Variants in UBE2G2 observed in about 807,000 individuals in gnomAD.
UBE2G2 encodes the protein ubiquitin-conjugating enzyme E2 G2.
UBE2G2 carries 10 observed loss-of-function variants against 23.0 expected under a neutral mutation model. The ratio of observed to expected loss-of-function variants is 0.43; its 90% confidence interval spans 0.27 to 0.74. The LOEUF is 0.74. Among genes scored for constraint, UBE2G2 ranks in the 30% least tolerant of loss-of-function variants. The pLI, the probability that UBE2G2 is intolerant of heterozygous loss-of-function variation, is 0.19. For synonymous variants in UBE2G2, 86 were observed against 81.3 expected (o/e 1.06, Z -0.31); for missense variants, 150 against 218.3 (o/e 0.69, Z 1.97).
intron 1 of UBE2G2, among the ~76,000 whole-genome samples, chr21:44,793,201 T>C (rs2083058789): frequency 6.6e-6 from 1 of 152,052 alleles, no homozygotes; most frequent in East Asian, 1.9e-4. Flanking sequence ...GCAGGTGGGG[T>C]GCGGGAGAAA....
At chr21:44,795,081 A>G (rs1488118300) in intron 1 of UBE2G2, among the ~76,000 whole-genome samples, 1 of 151,980 alleles carries the variant, frequency 6.6e-6, no homozygotes, top group Non-Finnish European at 1.5e-5. Context: ...TAGCCAACAT[A>G]GTGAAATCCC....
intron 1 of UBE2G2, among the ~76,000 whole-genome samples, chr21:44,794,341 T>C (rs2083068557): frequency 6.6e-6 from 1 of 152,204 alleles, no homozygotes; most frequent in Non-Finnish European, 1.5e-5. Context: ...TCTCATACCA[T>C]ATGGAAAACT....
intron 3 of UBE2G2, among the ~76,000 whole-genome samples, chr21:44,780,858 GTTC>G (rs782170286): frequency 1.3e-5 from 2 of 152,220 alleles, no homozygotes; most frequent in Admixed American, 6.5e-5. Context: ...GGGAGAGATT[GTTC>G]TTCTTTGCAT....
At chr21:44,783,024 T>C (rs2082968380) in intron 3 of UBE2G2, among the ~76,000 whole-genome samples, 1 of 152,258 alleles carries the variant, frequency 6.6e-6, no homozygotes, top group Non-Finnish European at 1.5e-5. Context: ...TTAAAAATCC[T>C]ATGTCTAATG....
At chr21:44,783,701 G>C (rs1555961582) in intron 3 of UBE2G2, among the ~76,000 whole-genome samples, 1 of 152,182 alleles carries the variant, frequency 6.6e-6, no homozygotes, top group African/African-American at 2.4e-5. Context: ...GGATTGCCTG[G>C]GGGTTGGAAT....
Position 44,787,930 on chromosome 21 carries a change from C to T in UBE2G2, c.115G>A (p.Ala39Thr), listed in dbSNP as rs782804941. 19 of 1,613,756 alleles carry T rather than the reference C, an allele frequency of 1.2e-5. No individual in the cohort carries two copies. The highest frequency in any genetic ancestry group is 1.4e-5 in the Non-Finnish European group (17 of 1,179,936). ...CTAAAATTAACTTACATGATCAATG[C>T]CTCCCATTCAAAAAAGTTCTCTTCA... ...MNEENFFEWE[A>T]LIMGPEDTCF... is the part of the protein sequence containing the mutation. Residue 39 changes from alanine (A) to threonine (T), a missense_variant, in exon 3 of 6, where the codon GCA becomes ACA. Ala to Thr is a moderately conservative substitution (Grantham distance 58). Transcript: ENST00000345496.
At chr21:44,798,964 G>A (rs112441600) in intron 1 of UBE2G2, among the ~76,000 whole-genome samples, 5 of 152,320 alleles carry the variant, frequency 3.3e-5, no homozygotes, top group African/African-American at 9.6e-5. Flanking sequence ...GGATCCATGG[G>A]CTGCAGAATT....
chr21:44,795,545 T>C lies in UBE2G2; in HGVS notation c.43+6161A>G, dbSNP rs116556459. On this transcript the variant is annotated intron_variant, in intron 1 of 5. Coordinates refer to ENST00000345496, the MANE Select transcript of UBE2G2 (RefSeq NM_003343.6). ...TTCTTGGGAGGCTGAGGTGGCAGGA[T>C]TGCTTGAGCCTAGGAGGCAGAGGCT... Among the ~76,000 whole-genome samples, 558 of 152,010 alleles carry C rather than the reference T, an allele frequency of 3.7e-3. 2 individuals carry two copies. The highest frequency in any genetic ancestry group is 0.012 in the African/African-American group (511 of 41,458).
At chr21:44,801,484 G>A in intron 1 of UBE2G2, 1 of 1,114,584 alleles carries the variant, frequency 9.0e-7, no homozygotes, top group Non-Finnish European at 1.2e-6. Flanking sequence ...CGGCGCCGGC[G>A]CTGCCTTTAC....
At chr21:44,775,804 C>T (rs1227022561) in intron 4 of UBE2G2, among the ~76,000 whole-genome samples, 1 of 152,176 alleles carries the variant, frequency 6.6e-6, no homozygotes, top group Non-Finnish European at 1.5e-5. Context: ...TCTTACCTAT[C>T]AATTGTATTT....
chr21:44,768,805 G>A lies in UBE2G2; in HGVS notation c.*2572C>T, dbSNP rs145426173. 1 of 152,216 alleles carries A rather than the reference G, an allele frequency of 6.6e-6. No individual in the cohort carries two copies. The highest frequency in any genetic ancestry group is 2.4e-5 in the African/African-American group (1 of 41,440). 9.4% of individuals were successfully genotyped at this position (152,216 alleles called of 1,614,324 possible). A position where few individuals can be genotyped will look rare whatever the true frequency, so the allele number is the denominator to read the frequency against. On this transcript the variant is annotated 3_prime_UTR_variant, in exon 6 of 6. Transcript: ENST00000345496. Reference sequence around the variant, plus strand: ...GCATCTGCTGAAAAAGCTGCAAAATGTCATTTATAGGTTAGTGAACACATC... The same window carrying A: ...GCATCTGCTGAAAAAGCTGCAAAATATCATTTATAGGTTAGTGAACACATC...
rs2082849865 is a variant in UBE2G2, at chr21:44,768,999, G to T, written c.*2378C>A. ...ATCTGGTGTGCTCCCTGGGGGCAGTGGCCACAGGCTCCTCTGACAATACGA... is the reference window on the plus strand; with the variant it reads ...ATCTGGTGTGCTCCCTGGGGGCAGTTGCCACAGGCTCCTCTGACAATACGA... On this transcript the variant is annotated 3_prime_UTR_variant, in exon 6 of 6. Coordinates refer to ENST00000345496, the MANE Select transcript of UBE2G2 (RefSeq NM_003343.6). 1 of 152,180 alleles carries T rather than the reference G, an allele frequency of 6.6e-6. No homozygotes were observed. The allele number at this position is 152,180 out of a possible 1,614,324, so 9.4% of individuals were successfully genotyped here.
Position 44,772,174 on chromosome 21 carries a change from G to A in UBE2G2, c.386-685C>T, listed in dbSNP as rs2082879608. ...GGTGGCGCTGCTCAGAATGCACGTG[G>A]GGACCGGTTCAGAGCAGAGTTGATG... On this transcript the variant is annotated intron_variant, in intron 5 of 5. Coordinates refer to ENST00000345496, the MANE Select transcript of UBE2G2 (RefSeq NM_003343.6). This position sits in a 1 kb window ranked among gnomAD's most constrained non-coding sequence, Gnocchi z 5.4. Among the ~76,000 whole-genome samples the A allele has an allele frequency of 6.6e-6, 1 of 152,154 alleles. No individual in the cohort carries two copies. The highest frequency in any genetic ancestry group is 1.5e-5 in the Non-Finnish European group (1 of 68,014).
chr21:44,799,340 T>G (rs942892237), intron 1 of UBE2G2, among the ~76,000 whole-genome samples: 3 of 152,260 alleles, frequency 2.0e-5, no homozygotes, highest in Admixed American at 1.3e-4. Context: ...GCTGTTTACG[T>G]TGTATATGGC....
At chr21:44,775,827 T>C (rs2082908982) in intron 4 of UBE2G2, among the ~76,000 whole-genome samples, 1 of 152,240 alleles carries the variant, frequency 6.6e-6, no homozygotes, top group Non-Finnish European at 1.5e-5. Context: ...TAACTTTTTA[T>C]TATGGAGAAT....
intron 1 of UBE2G2, 96 bp downstream of exon 1, chr21:44,801,610 T>A (rs1294515407): frequency 1.4e-6 from 2 of 1,398,294 alleles, no homozygotes; most frequent in Non-Finnish European, 1.9e-6. Flanking sequence ...CGGGCCCGGC[T>A]CCCCCGCCAG....
intron 1 of UBE2G2, 31 bp from the exon 2 acceptor site, chr21:44,788,126 A>T (rs1555962370): frequency 6.4e-7 from 1 of 1,571,284 alleles, no homozygotes; most frequent in East Asian, 2.2e-5. Context: ...ACCATTACCA[A>T]ACAGAATAAA....
At position 44,771,188 on chromosome 21, in the gene UBE2G2, G is replaced by A. The variant is rs781847484; in HGVS notation, c.*189C>T. ...AAACTGCAGTAAGCTGTCAATATTC[G>A]ACATTAAGTCATCATTTCAGAAGAG... On this transcript the variant is annotated 3_prime_UTR_variant, in exon 6 of 6. Coordinates refer to ENST00000345496, the MANE Select transcript of UBE2G2 (RefSeq NM_003343.6). The surrounding 1 kb of genome is among the most constrained non-coding windows in gnomAD (Gnocchi z 4.6). 19 of 581,804 alleles carry A rather than the reference G, an allele frequency of 3.3e-5. No individual in the cohort carries two copies. The highest frequency in any genetic ancestry group is 4.5e-4 in the Middle Eastern group (1 of 2,198). 36.0% of individuals were successfully genotyped at this position (581,804 alleles called of 1,614,324 possible).
intron 1 of UBE2G2, among the ~76,000 whole-genome samples, chr21:44,796,636 T>G (rs2083092060): frequency 6.6e-6 from 1 of 152,242 alleles, no homozygotes. Context: ...GTCACTGCTG[T>G]AACAAATTAC....
Sources: allele counts gnomAD v4.1 joint callset (sites outside exome capture counted in the v4.1 genomes callset), GRCh38; gene constraint gnomAD v4.1.1; non-coding constraint Gnocchi (gnomAD v3.1); transcripts MANE v1.5; gene names NCBI Gene and HGNC (gene_info 2026-07-23, HGNC 2026-07-21).